The following TNKS variants were observed in gnomAD, a reference collection of about 807,000 sequenced individuals.
TNKS encodes the protein tankyrase.
Under a neutral mutation model 135.8 loss-of-function variants are expected in TNKS, and 72 were observed. That is an observed-to-expected ratio of 0.53 (90% confidence interval 0.44 to 0.64). The LOEUF is 0.64. Ranked by LOEUF, TNKS falls within the 30% of genes least tolerant of loss-of-function variation. The pLI is 0.00. For missense variants in TNKS, 1,769 were observed against 1,674.0 expected (o/e 1.06, Z -0.99); for synonymous variants, 849 against 649.3 (o/e 1.31, Z -4.68).
chr8:9,620,929 G>A (rs1243022423), intron 3 of TNKS, among the ~76,000 whole-genome samples: 1 of 152,006 alleles, frequency 6.6e-6, no homozygotes, highest in East Asian at 1.9e-4. Context: ...TTATCCCCAG[G>A]ACTCAAAAGA....
chr8:9,647,608 C>T (rs186926059), intron 3 of TNKS, among the ~76,000 whole-genome samples: 160 of 152,288 alleles, frequency 1.1e-3, no homozygotes, highest in African/African-American at 3.6e-3. Flanking sequence ...GAACTAATTG[C>T]TTCTTCCTGT....
chr8:9,653,601 A>T (rs1289090192), intron 3 of TNKS, among the ~76,000 whole-genome samples: 1 of 152,026 alleles, frequency 6.6e-6, no homozygotes, highest in Non-Finnish European at 1.5e-5. Context: ...GTGGTAGCAA[A>T]TTCAGTCCCA....
At chr8:9,671,993 C>T (rs1348201952) in intron 3 of TNKS, among the ~76,000 whole-genome samples, 1 of 152,204 alleles carries the variant, frequency 6.6e-6, no homozygotes, top group Non-Finnish European at 1.5e-5. Context: ...TCCATAGATC[C>T]ATGCTGTCTA....
At chr8:9,685,014 C>A (rs1215988022) in intron 5 of TNKS, among the ~76,000 whole-genome samples, 2 of 152,058 alleles carry the variant, frequency 1.3e-5, no homozygotes, top group African/African-American at 4.8e-5. Flanking sequence ...TAAGAAACCA[C>A]AAATTTAGAT....
At chr8:9,569,780 C>T (rs909630887) in intron 1 of TNKS, among the ~76,000 whole-genome samples, 2 of 152,266 alleles carry the variant, frequency 1.3e-5, no homozygotes, top group South Asian at 2.1e-4. Flanking sequence ...TATATCTCTT[C>T]GTATTCTTTT....
chr8:9,559,534 AT>A (rs1376068513), intron 1 of TNKS, among the ~76,000 whole-genome samples: 10 of 152,024 alleles, frequency 6.6e-5, no homozygotes, highest in Non-Finnish European at 1.0e-4. Flanking sequence ...TGTACAGATT[AT>A]TTCATCACCT....
At chr8:9,575,208 T>A in intron 1 of TNKS, 2 of 548,126 alleles carry the variant, frequency 3.6e-6, no homozygotes, top group Non-Finnish European at 4.6e-6. Context: ...TGCCTCAGCC[T>A]CCGGAGTAGC....
intron 13 of TNKS, among the ~76,000 whole-genome samples, chr8:9,726,926 G>T (rs1430583073): frequency 1.3e-5 from 2 of 152,102 alleles, no homozygotes; most frequent in African/African-American, 4.8e-5. Context: ...GTGTGTGTAT[G>T]TATATAGGTA....
At chr8:9,587,690 C>T (rs780996106) in intron 2 of TNKS, among the ~76,000 whole-genome samples, 2 of 152,190 alleles carry the variant, frequency 1.3e-5, no homozygotes, top group Non-Finnish European at 2.9e-5. Flanking sequence ...GCGTGAGCCA[C>T]TGCGCCTGGC....
intron 11 of TNKS, among the ~76,000 whole-genome samples, chr8:9,716,861 T>A (rs532910469): frequency 2.4e-4 from 37 of 151,816 alleles, no homozygotes; most frequent in African/African-American, 7.5e-4. Flanking sequence ...TGTCCTTGGC[T>A]TAGAAGTATA....
chr8:9,586,793 C>G (rs1329345929), intron 2 of TNKS, among the ~76,000 whole-genome samples: 1 of 147,064 alleles, frequency 6.8e-6, no homozygotes, highest in Non-Finnish European at 1.5e-5. Flanking sequence ...ATCCAATTGA[C>G]TTGTTAAGTT....
At chr8:9,677,024 G>C (rs1391451075) in intron 3 of TNKS, among the ~76,000 whole-genome samples, 2 of 152,290 alleles carry the variant, frequency 1.3e-5, no homozygotes, top group African/African-American at 4.8e-5. Flanking sequence ...AGATGAAAGA[G>C]AACTGGTGCT....
chr8:9,679,846 C>T (rs1299882667), intron 3 of TNKS, 105 bp from the exon 4 acceptor site: 4 of 964,406 alleles, frequency 4.1e-6, no homozygotes, highest in Middle Eastern at 2.1e-4. Context: ...GGTGTGGACT[C>T]TCTTTTTCTG....
chr8:9,576,350 A>C (rs1490217347), intron 1 of TNKS, among the ~76,000 whole-genome samples: 1 of 152,126 alleles, frequency 6.6e-6, no homozygotes, highest in Non-Finnish European at 1.5e-5. Flanking sequence ...CTGTACAGGA[A>C]ACATGGGTGG....
At chr8:9,758,196 T>C (rs1218029876) in intron 20 of TNKS, among the ~76,000 whole-genome samples, 1 of 152,202 alleles carries the variant, frequency 6.6e-6, no homozygotes, top group Non-Finnish European at 1.5e-5. Context: ...ACTGTGCTTG[T>C]TATGTAGCGA....
intron 3 of TNKS, among the ~76,000 whole-genome samples, chr8:9,634,992 C>T (rs549974381): frequency 6.6e-6 from 1 of 150,786 alleles, no homozygotes; most frequent in Admixed American, 6.6e-5. Context: ...GGTGAAACCC[C>T]GTCTCTACTA....
At chr8:9,676,339 C>T (rs569204590) in intron 3 of TNKS, among the ~76,000 whole-genome samples, 256 of 152,148 alleles carry the variant, frequency 1.7e-3, no homozygotes, top group Non-Finnish European at 3.1e-3. Context: ...CCTCTCATTG[C>T]TTTAAGAATT....
chr8:9,702,887 G>A (rs946007570), intron 5 of TNKS, among the ~76,000 whole-genome samples: 6 of 151,970 alleles, frequency 3.9e-5, no homozygotes, highest in African/African-American at 7.3e-5. Flanking sequence ...ATGGTGGTGC[G>A]CGCCTGTAAT....
intron 25 of TNKS, among the ~76,000 whole-genome samples, chr8:9,767,201 T>C (rs1807504535): frequency 6.6e-6 from 1 of 152,238 alleles, no homozygotes; most frequent in Non-Finnish European, 1.5e-5. Context: ...ACTTAAAATA[T>C]CAACTTTGGA....
Sources: gnomAD v4.1 joint callset for allele counts (sites outside exome capture counted in the v4.1 genomes callset) on GRCh38, gnomAD v4.1.1 for gene constraint, MANE v1.5 for transcripts, NCBI Gene and HGNC (gene_info 2026-07-23, HGNC 2026-07-21) for gene names.